The following THRB variants were observed in gnomAD, a reference collection of about 807,000 sequenced individuals.
THRB encodes the protein thyroid hormone receptor beta, also known as nuclear receptor subfamily 1 group A member 2.
A neutral mutation model predicts 47.8 loss-of-function variants in THRB; 12 were observed. That is an observed-to-expected ratio of 0.25 (90% confidence interval 0.16 to 0.41). The LOEUF is 0.41. Ranked by LOEUF, THRB falls within the 10% of genes least tolerant of loss-of-function variation. THRB has a pLI of 1.00. For missense variants in THRB, 348 were observed against 589.2 expected, an observed-to-expected ratio of 0.59 and a Z score of 4.24; for synonymous variants, 218 against 212.2, an observed-to-expected ratio of 1.03 and a Z score of -0.24.
intron 1 of THRB, among the ~76,000 whole-genome samples, chr3:24,337,856 G>A (rs1305857928): frequency 6.6e-6 from 1 of 152,144 alleles, no homozygotes; most frequent in Non-Finnish European, 1.5e-5. Flanking sequence ...GAAGCGATGG[G>A]TTCCTCATCA....
At chr3:24,367,052 A>T (rs909291830) in intron 1 of THRB, among the ~76,000 whole-genome samples, 2 of 152,178 alleles carry the variant, frequency 1.3e-5, no homozygotes, top group Non-Finnish European at 2.9e-5. Context: ...CTAATGACAC[A>T]TTCATAATTC....
At chr3:24,254,546 A>G (rs2051045792) in intron 3 of THRB, among the ~76,000 whole-genome samples, 1 of 152,222 alleles carries the variant, frequency 6.6e-6, no homozygotes. Context: ...GCATCTTCCA[A>G]GGTAATCATT....
At chr3:24,233,560 G>GAAGAAAGA (rs769459380) in intron 3 of THRB, among the ~76,000 whole-genome samples, 8,883 of 77,014 alleles carry the variant, frequency 0.12, 397 homozygotes, top group Non-Finnish European at 0.14. Context: ...AAAGAAAAAG[G>GAAGAAAGA]AAGAAAGAAA....
intron 3 of THRB, among the ~76,000 whole-genome samples, chr3:24,274,891 T>A (rs898852659): frequency 2.0e-5 from 3 of 152,102 alleles, no homozygotes; most frequent in Non-Finnish European, 2.9e-5. Context: ...CAGTTTTTTT[T>A]ATGTTGTGTT....
At chr3:24,218,914 C>T (rs1452371975) in intron 4 of THRB, among the ~76,000 whole-genome samples, 1 of 152,086 alleles carries the variant, frequency 6.6e-6, no homozygotes, top group Non-Finnish European at 1.5e-5. Context: ...TATATAAATA[C>T]CTCTTCCCAT....
intron 3 of THRB, among the ~76,000 whole-genome samples, chr3:24,275,375 G>A (rs1382796011): frequency 6.6e-6 from 1 of 152,184 alleles, no homozygotes; most frequent in Non-Finnish European, 1.5e-5. Flanking sequence ...AAATGAAGTT[G>A]AAACGAATAC....
At chr3:24,426,461 G>A (rs2069771268) in intron 1 of THRB, among the ~76,000 whole-genome samples, 1 of 151,848 alleles carries the variant, frequency 6.6e-6, no homozygotes, top group Admixed American at 6.6e-5. Context: ...TGAAGGGCAG[G>A]AAAACCAATC....
At chr3:24,387,874 C>G (rs2066256787) in intron 1 of THRB, among the ~76,000 whole-genome samples, 1 of 151,572 alleles carries the variant, frequency 6.6e-6, no homozygotes, top group African/African-American at 2.4e-5. Flanking sequence ...AGAGACAGGC[C>G]CAGAGACAGG....
At chr3:24,219,805 G>C (rs1357253015) in intron 4 of THRB, among the ~76,000 whole-genome samples, 1 of 152,228 alleles carries the variant, frequency 6.6e-6, no homozygotes, top group African/African-American at 2.4e-5. Context: ...CAAGGCACTT[G>C]TCATTAGGTA....
intron 1 of THRB, among the ~76,000 whole-genome samples, chr3:24,457,706 T>C (rs2073320326): frequency 6.6e-6 from 1 of 152,184 alleles, no homozygotes; most frequent in Non-Finnish European, 1.5e-5. Context: ...AATAGGACTG[T>C]TTTAATATCA....
intron 1 of THRB, among the ~76,000 whole-genome samples, chr3:24,438,896 C>G (rs1234929967): frequency 6.6e-6 from 1 of 152,068 alleles, no homozygotes; most frequent in Non-Finnish European, 1.5e-5. Flanking sequence ...GTAAGGATCC[C>G]CACAAGCAAA....
intron 3 of THRB, among the ~76,000 whole-genome samples, chr3:24,284,637 A>T (rs1367904282): frequency 6.7e-6 from 1 of 149,942 alleles, no homozygotes; most frequent in Non-Finnish European, 1.5e-5. Context: ...CATCAGAGTG[A>T]ACAGGCAACC....
chr3:24,292,063 A>T (rs569780673), intron 3 of THRB, among the ~76,000 whole-genome samples: 14 of 152,328 alleles, frequency 9.2e-5, no homozygotes, highest in African/African-American at 3.4e-4. Context: ...AGAGTAACAT[A>T]AAGTGAAAGT....
At chr3:24,150,259 A>G (rs1296407964) in intron 6 of THRB, among the ~76,000 whole-genome samples, 1 of 152,212 alleles carries the variant, frequency 6.6e-6, no homozygotes, top group Non-Finnish European at 1.5e-5. Context: ...ATATTTTTAA[A>G]TTACAGGTTT....
At chr3:24,449,058 G>C (rs1238699625) in intron 1 of THRB, among the ~76,000 whole-genome samples, 1 of 152,198 alleles carries the variant, frequency 6.6e-6, no homozygotes, top group Non-Finnish European at 1.5e-5. Context: ...ATTTGACAGA[G>C]GGAGTGATGG....
At chr3:24,135,968 A>G (rs764444521) in intron 8 of THRB, among the ~76,000 whole-genome samples, 29 of 151,816 alleles carry the variant, frequency 1.9e-4, no homozygotes, top group Admixed American at 3.9e-4. Flanking sequence ...GAATCTAAAC[A>G]TCTCTCAATG....
intron 5 of THRB, among the ~76,000 whole-genome samples, chr3:24,173,141 T>TG (rs2040658226): frequency 6.6e-6 from 1 of 152,006 alleles, no homozygotes; most frequent in Admixed American, 6.6e-5. Context: ...TCGTAAACTC[T>TG]GGGGGGTGGG....
chr3:24,373,044 G>A (rs2065031008), intron 1 of THRB, among the ~76,000 whole-genome samples: 1 of 152,048 alleles, frequency 6.6e-6, no homozygotes, highest in African/African-American at 2.4e-5. Context: ...GCAAGACTCT[G>A]GAGTCCCCCA....
chr3:24,432,076 C>T (rs1186776099), intron 1 of THRB, among the ~76,000 whole-genome samples: 1 of 152,038 alleles, frequency 6.6e-6, no homozygotes, highest in Non-Finnish European at 1.5e-5. Context: ...TTAATATCAA[C>T]ATTATTGGTA....
Sources: allele counts gnomAD v4.1 joint callset (sites outside exome capture counted in the v4.1 genomes callset), GRCh38; gene constraint gnomAD v4.1.1; transcripts MANE v1.5; gene names NCBI Gene and HGNC (gene_info 2026-07-23, HGNC 2026-07-21).